Variants in SWAP70 observed in about 807,000 individuals in gnomAD.
SWAP70 encodes switch-associated protein 70.
Under a neutral mutation model 80.2 loss-of-function variants are expected in SWAP70, and 34 were observed. The ratio of observed to expected loss-of-function variants is 0.42; its 90% CI spans 0.32 to 0.56. The LOEUF is 0.56. Among genes scored for constraint, SWAP70 ranks in the 20% least tolerant of loss-of-function variants. The probability of loss-of-function intolerance (pLI) is 0.09; values close to 1 mark genes in which losing one functional copy is unlikely to be tolerated. For missense variants in SWAP70, 578 were observed against 690.7 expected (o/e 0.84, Z 1.83); for synonymous variants, 239 against 238.5 (o/e 1.00, Z -0.02).
intron 10 of SWAP70, among the ~76,000 whole-genome samples, chr11:9,748,771 G>T (rs472109): frequency 4.6e-5 from 7 of 152,130 alleles, no homozygotes; most frequent in African/African-American, 1.2e-4. Flanking sequence ...GCAGTAAACT[G>T]TAACTGGCAC....
intron 6 of SWAP70, among the ~76,000 whole-genome samples, chr11:9,730,680 TA>T (rs1300766562): frequency 6.6e-6 from 1 of 152,234 alleles, no homozygotes; most frequent in African/African-American, 2.4e-5. Flanking sequence ...AGTTTTTTAA[TA>T]CTTCAAGTGA....
intron 9 of SWAP70, 111 bp from the exon 10 acceptor site, chr11:9,747,747 G>A (rs1851530337): frequency 3.0e-6 from 3 of 1,011,508 alleles, no homozygotes; most frequent in African/African-American, 1.6e-5. Context: ...TGGAATGAAA[G>A]GGGGATTAGA....
At chr11:9,671,621 T>C (rs1368520704) in intron 1 of SWAP70, among the ~76,000 whole-genome samples, 2 of 89,160 alleles carry the variant, frequency 2.2e-5, no homozygotes, top group Non-Finnish European at 4.1e-5. Context: ...AATATATTTC[T>C]ATATAAATAT....
At chr11:9,729,910 C>T (rs991947036) in intron 6 of SWAP70, among the ~76,000 whole-genome samples, 7 of 152,204 alleles carry the variant, frequency 4.6e-5, no homozygotes, top group Non-Finnish European at 8.8e-5. Flanking sequence ...AAGATGCGCT[C>T]TCAAAGTTTT....
intron 1 of SWAP70, among the ~76,000 whole-genome samples, chr11:9,666,483 A>C (rs1295355765): frequency 6.6e-6 from 1 of 152,032 alleles, no homozygotes; most frequent in Non-Finnish European, 1.5e-5. Flanking sequence ...AACTTTTCAT[A>C]GTGTACTTAG....
intron 2 of SWAP70, among the ~76,000 whole-genome samples, chr11:9,701,586 C>T (rs1385274559): frequency 6.8e-6 from 1 of 148,058 alleles, no homozygotes; most frequent in African/African-American, 2.5e-5. Flanking sequence ...AGTTCTAGAG[C>T]AGCCTGGACA....
At chr11:9,694,904 T>G (rs1475981451) in intron 2 of SWAP70, among the ~76,000 whole-genome samples, 1 of 152,166 alleles carries the variant, frequency 6.6e-6, no homozygotes, top group Non-Finnish European at 1.5e-5. Flanking sequence ...GTGTGGCGAT[T>G]CCTCAAGGAT....
chr11:9,671,704 A>G, intron 1 of SWAP70, among the ~76,000 whole-genome samples: 1 of 109,922 alleles, frequency 9.1e-6, no homozygotes, highest in African/African-American at 3.7e-5. Context: ...ATTTCTATGT[A>G]TACATAGAAA....
At chr11:9,670,475 TTGA>T (rs1362233421) in intron 1 of SWAP70, among the ~76,000 whole-genome samples, 1 of 152,120 alleles carries the variant, frequency 6.6e-6, no homozygotes, top group Non-Finnish European at 1.5e-5. Flanking sequence ...TTTGAGGTCC[TTGA>T]TGGGTGTATG....
intron 1 of SWAP70, among the ~76,000 whole-genome samples, chr11:9,666,024 T>C (rs947781053): frequency 6.6e-6 from 1 of 151,714 alleles, no homozygotes; most frequent in Non-Finnish European, 1.5e-5. Flanking sequence ...ATTTGGTTTC[T>C]GCTTTTTTTT....
rs371975558 is a variant in SWAP70 at position 9,664,222 on chromosome 11, G to A, written c.43G>A (p.Ala15Thr). ...KEELLKAIWH[A>T]FTALDQDHSG... ...GGAGCTGCTCAAAGCCATCTGGCAC[G>A]CCTTCACCGCACTCGACCAGGACCA... Residue 15 changes from alanine (A) to threonine (T), a missense_variant, in exon 1 of 12, where the codon GCC becomes ACC. Physicochemically the swap from Ala to Thr is moderately conservative, Grantham distance 58. Transcript: ENST00000318950. The A allele has an allele frequency of 1.2e-4, 192 of 1,594,602 alleles. No homozygotes were observed. The highest frequency in any genetic ancestry group is 1.7e-4 in the Middle Eastern group (1 of 5,998).
rs1357916873 is a variant in SWAP70 at position 9,694,194 on chromosome 11, G to C, written c.148G>C (p.Val50Leu). Residue 50 changes from valine (V) to leucine (L), a missense_variant, in exon 2 of 12, where the codon GTT becomes CTT. Transcript: ENST00000318950. ...GGTGCTGAAGGTTCCTCATGACCCA[G>C]TTGCCCTTGAAGAGCACTTCAGGGA... ...CTVLKVPHDPVALEEHFRDDD... is the reference protein window; with the variant it reads ...CTVLKVPHDPLALEEHFRDDD... 2.7e-5 allele frequency: 44 copies of C among 1,612,992 alleles called. No individual in the cohort carries two copies. Among genetic ancestry groups the C allele is most frequent in the Non-Finnish European group, 3.5e-5 (41 of 1,179,638 alleles).
chr11:9,695,719 G>T (rs979916115), intron 2 of SWAP70, among the ~76,000 whole-genome samples: 2 of 152,076 alleles, frequency 1.3e-5, no homozygotes, highest in Non-Finnish European at 2.9e-5. Flanking sequence ...TGCACGTGCT[G>T]CACAGGTATC....
intron 4 of SWAP70, chr11:9,726,916 A>G (rs528017640): frequency 6.6e-6 from 3 of 456,320 alleles, no homozygotes; most frequent in South Asian, 4.6e-5. Context: ...GGTCTGGGGC[A>G]GAGTTCCTCC....
chr11:9,672,530 A>ATTTTTTT lies in SWAP70; in HGVS notation c.99+8270_99+8276dup, dbSNP rs58704706. Among the ~76,000 whole-genome samples the ATTTTTTT allele has an allele frequency of 1.0e-3, 90 of 88,400 alleles. 1 individual carries two copies. The highest frequency in any genetic ancestry group is 1.6e-3 in the Non-Finnish European group (75 of 48,344). The allele number at this position is 88,400 out of a possible 152,430, so 58.0% of individuals were successfully genotyped here. On this transcript the variant is annotated intron_variant, in intron 1 of 11. Transcript: ENST00000318950. ...GGGTGTATGCCACCACACCTGGCTA[A>ATTTTTTT]TTTTTTTTTTTTTTTTTTTTTTTTG...
chr11:9,667,145 G>A (rs1001700584), intron 1 of SWAP70, among the ~76,000 whole-genome samples: 1 of 151,962 alleles, frequency 6.6e-6, no homozygotes, highest in African/African-American at 2.4e-5. Context: ...GATTACAGGT[G>A]TGAGCAACTG....
chr11:9,676,807 G>A (rs1410820443), intron 1 of SWAP70, among the ~76,000 whole-genome samples: 7 of 151,756 alleles, frequency 4.6e-5, no homozygotes, highest in African/African-American at 1.7e-4. Context: ...CCGCCACCAC[G>A]CCCGGCTAAT....
intron 3 of SWAP70, 75 bp downstream of exon 3, chr11:9,713,714 A>C (rs1851029445): frequency 6.8e-7 from 1 of 1,475,912 alleles, no homozygotes; most frequent in African/African-American, 1.4e-5. Flanking sequence ...TTTTTCTGTT[A>C]ATTCAGCATA....
chr11:9,665,020 G>T (rs1850291717), intron 1 of SWAP70, among the ~76,000 whole-genome samples: 1 of 152,148 alleles, frequency 6.6e-6, no homozygotes. Context: ...AGAGTATAGG[G>T]TATAAATAAA....
Sources: allele counts gnomAD v4.1 joint callset (sites outside exome capture counted in the v4.1 genomes callset), GRCh38; gene constraint gnomAD v4.1.1; transcripts MANE v1.5; gene names NCBI Gene and HGNC (gene_info 2026-07-23, HGNC 2026-07-21).